The following FARP1 variants were observed in gnomAD, a reference collection of about 807,000 sequenced individuals.
FARP1 encodes FERM, ARH/RhoGEF and pleckstrin domain protein 1.
FARP1 carries 52 observed loss-of-function variants against 128.8 expected under a neutral mutation model. The ratio of observed to expected loss-of-function variants is 0.40; its 90% confidence interval spans 0.32 to 0.51. The LOEUF is 0.51. Ranked by LOEUF, FARP1 falls within the 20% of genes least tolerant of loss-of-function variation. FARP1 has a pLI of 0.45. For missense variants in FARP1, 1,333 were observed against 1,367.9 expected (o/e 0.97, Z 0.40); for synonymous variants, 580 against 551.8 (o/e 1.05, Z -0.72).
intron 2 of FARP1, among the ~76,000 whole-genome samples, chr13:98,223,371 G>A (rs759912843): frequency 5.9e-5 from 9 of 152,244 alleles, no homozygotes; most frequent in Non-Finnish European, 1.0e-4. Flanking sequence ...CTGTCACCAG[G>A]CTGGAGTGCA....
chr13:98,156,476 A>G (rs1432113699), intron 1 of FARP1, among the ~76,000 whole-genome samples: 5 of 152,208 alleles, frequency 3.3e-5, no homozygotes, highest in Non-Finnish European at 5.9e-5. Flanking sequence ...TGGCACAATC[A>G]TAGCTCATTG....
At chr13:98,215,204 T>G (rs1880986309) in intron 2 of FARP1, among the ~76,000 whole-genome samples, 1 of 152,234 alleles carries the variant, frequency 6.6e-6, no homozygotes, top group African/African-American at 2.4e-5. Flanking sequence ...TGTTTTTATC[T>G]TTTAAAATGA....
chr13:98,271,951 A>G (rs2139584549), intron 2 of FARP1, among the ~76,000 whole-genome samples: 1 of 152,328 alleles, frequency 6.6e-6, no homozygotes, highest in African/African-American at 2.4e-5. Flanking sequence ...GTTTATACCC[A>G]GTAATGGAAT....
In FARP1 at chr13:98,343,781, T is replaced by C. The variant is rs765377032; in HGVS notation, c.191T>C (p.Val64Ala). The change falls in exon 3 of 27, where the codon GTG (valine) becomes GCG (alanine). Residue 64 changes from valine to alanine, a missense_variant. Coordinates refer to ENST00000319562, the MANE Select transcript of FARP1 (RefSeq NM_005766.4). ...TCACAGCAAAGAGCTCCTGGGAAGG[T>C]GCTGCTGGATGCAGTTTGCAACCAC... is the stretch of plus-strand genomic sequence containing the variant. ...FEVPQRAPGK[V>A]LLDAVCNHLN... The C allele has an allele frequency of 6.2e-7, 1 of 1,613,720 alleles. No homozygotes were observed. Among genetic ancestry groups the C allele is most frequent in the African/African-American group, 1.3e-5 (1 of 74,914 alleles).
intron 2 of FARP1, among the ~76,000 whole-genome samples, chr13:98,247,110 C>T (rs1883108481): frequency 6.6e-6 from 1 of 152,184 alleles, no homozygotes. Context: ...GCCTGTAACC[C>T]GCATGCCTGT....
intron 2 of FARP1, among the ~76,000 whole-genome samples, chr13:98,263,865 C>G (rs370373167): frequency 3.3e-4 from 51 of 152,318 alleles, no homozygotes; most frequent in African/African-American, 1.0e-3. Flanking sequence ...TGCTCCCCCC[C>G]CAACAACATT....
chr13:98,443,361 C>T (rs573871643), intron 24 of FARP1, among the ~76,000 whole-genome samples: 38 of 152,306 alleles, frequency 2.5e-4, no homozygotes, highest in African/African-American at 8.9e-4. Flanking sequence ...CCCTCCTTGC[C>T]AGAAAGCCCC....
chr13:98,430,518 A>T (rs925784624), intron 17 of FARP1, among the ~76,000 whole-genome samples: 1 of 152,194 alleles, frequency 6.6e-6, no homozygotes, highest in Non-Finnish European at 1.5e-5. Flanking sequence ...CAGGAGAGTC[A>T]GGGCGCTGTC....
rs928794648 is a variant in FARP1 at position 98,260,894 on chromosome 13, G to A, written c.171+47481G>A. Among the ~76,000 whole-genome samples the A allele has an allele frequency of 7.2e-5, 11 of 152,332 alleles. No homozygotes were observed. The South Asian group carries it at 8.3e-4, about 11-fold the overall frequency. On this transcript the variant is annotated intron_variant, in intron 2 of 26. Coordinates refer to ENST00000319562, the MANE Select transcript of FARP1 (RefSeq NM_005766.4). ...AGGACACAATTCCAAATCCCAGGGG[G>A]CTGGAGAGAGTCAGGGCCTTCAGTG...
intron 5 of FARP1, among the ~76,000 whole-genome samples, chr13:98,375,626 A>ATTGTTT (rs919001200): frequency 3.3e-5 from 5 of 151,448 alleles, no homozygotes; most frequent in African/African-American, 4.8e-5. Context: ...TGTTGTTTTT[A>ATTGTTT]TTGTTTTTGT....
At chr13:98,447,081 G>C (rs1892893839) in intron 26 of FARP1, 1 of 450,216 alleles carries the variant, frequency 2.2e-6, no homozygotes, top group South Asian at 2.8e-5. Flanking sequence ...GACATAACGT[G>C]TCCGGGATGA....
Position 98,431,127 on chromosome 13 carries a change from T to C in FARP1, c.1990T>C (p.Phe664Leu), listed in dbSNP as rs561179020. 1 of 1,614,180 alleles carries C rather than the reference T, an allele frequency of 6.2e-7. No individual in the cohort carries two copies. The highest frequency in any genetic ancestry group is 1.3e-5 in the African/African-American group (1 of 75,062). The change falls in exon 18 of 27, where the codon TTC (phenylalanine) becomes CTC (leucine). Residue 664 changes from phenylalanine (F) to leucine (L), a missense_variant. This residue lies in a region of FARP1 where 1,009 missense variants were observed against 969.8 expected (regional missense o/e 1.04). Coordinates refer to ENST00000319562, the MANE Select transcript of FARP1 (RefSeq NM_005766.4). ...GIKSSRRLEN[F>L]CRDFELQKVC... ...CAAGAGCTCCCGGCGGCTGGAGAAC[T>C]TCTGCAGAGACTTTGAGCTGCAGAA...
intron 1 of FARP1, among the ~76,000 whole-genome samples, chr13:98,200,398 C>A (rs199965291): frequency 1.4e-5 from 2 of 143,956 alleles, no homozygotes; most frequent in Non-Finnish European, 3.1e-5. Flanking sequence ...CCCCCCCCCC[C>A]TCCCCTTTGT....
intron 13 of FARP1, among the ~76,000 whole-genome samples, chr13:98,409,085 T>C (rs1228812523): frequency 1.3e-5 from 2 of 152,204 alleles, no homozygotes; most frequent in African/African-American, 4.8e-5. Context: ...GCTATTTTAA[T>C]TGCTATCTAA....
At chr13:98,269,849 C>T (rs954794271) in intron 2 of FARP1, among the ~76,000 whole-genome samples, 3 of 152,230 alleles carry the variant, frequency 2.0e-5, no homozygotes, top group Non-Finnish European at 4.4e-5. Context: ...GGCCCAGTGG[C>T]TCACGCCTGT....
intron 19 of FARP1, 55 bp from the exon 20 acceptor site, chr13:98,438,749 C>T: frequency 6.8e-7 from 1 of 1,467,712 alleles, no homozygotes; most frequent in Non-Finnish European, 9.5e-7. Context: ...CACTGGCCGT[C>T]AGCCCTTGGG....
intron 1 of FARP1, among the ~76,000 whole-genome samples, chr13:98,165,543 T>C (rs1316093163): frequency 6.6e-6 from 1 of 151,920 alleles, no homozygotes; most frequent in Admixed American, 6.6e-5. Flanking sequence ...AAAAGTTTGT[T>C]ACACAAATAA....
chr13:98,386,173 G>A (rs983890616), intron 8 of FARP1, among the ~76,000 whole-genome samples: 1 of 145,128 alleles, frequency 6.9e-6, no homozygotes, highest in Non-Finnish European at 1.5e-5. Flanking sequence ...ATGATACTTT[G>A]CTGTAATGTG....
chr13:98,247,740 A>G (rs1412620639), intron 2 of FARP1, among the ~76,000 whole-genome samples: 1 of 152,128 alleles, frequency 6.6e-6, no homozygotes, highest in African/African-American at 2.4e-5. Flanking sequence ...GCCAGAGTGT[A>G]GATGATGCGG....
Sources: gnomAD v4.1 joint callset for allele counts (sites outside exome capture counted in the v4.1 genomes callset) on GRCh38, gnomAD v4.1.1 for gene constraint, gnomAD v4.1.1 regional missense constraint, MANE v1.5 for transcripts, NCBI Gene and HGNC (gene_info 2026-07-23, HGNC 2026-07-21) for gene names.